FMN2: variants seen among roughly 807,000 people sequenced by gnomAD.
FMN2 encodes formin-2.
FMN2 carries 51 observed loss-of-function variants against 142.3 expected under a neutral mutation model. The ratio of observed to expected loss-of-function variants is 0.36; its 90% CI spans 0.29 to 0.45. The LOEUF (loss-of-function observed/expected upper bound fraction) is 0.45, where lower values mean the gene tolerates loss of function less well. Ranked by LOEUF, FMN2 falls within the 20% of genes least tolerant of loss-of-function variation. The pLI, the probability that FMN2 is intolerant of heterozygous loss-of-function variation, is 1.00. For missense variants in FMN2, 1,936 were observed against 2,122.8 expected (o/e 0.91, Z 1.73); for synonymous variants, 882 against 869.8 (o/e 1.01, Z -0.25).
At chr1:240,279,163 T>G (rs923581842) in intron 7 of FMN2, among the ~76,000 whole-genome samples, 2 of 152,160 alleles carry the variant, frequency 1.3e-5, no homozygotes, top group African/African-American at 4.8e-5. Context: ...GCAAGCTTTT[T>G]AACACAGTGA....
chr1:240,323,251 G>A lies in FMN2; in HGVS notation c.4216-5825G>A, dbSNP rs548996586. Among the ~76,000 whole-genome samples the A allele has an allele frequency of 3.9e-4, 59 of 150,882 alleles. 1 individual carries two copies. The highest frequency in any genetic ancestry group is 5.9e-4 in the Non-Finnish European group (40 of 67,872). Reference sequence around the variant, plus strand: ...ACTCTCTCACCCAGGCTGGAGTGCAGTGGCCCAATCTCGGCTCACTGCAAC... The same window carrying A: ...ACTCTCTCACCCAGGCTGGAGTGCAATGGCCCAATCTCGGCTCACTGCAAC... On this transcript the variant is annotated intron_variant, in intron 8 of 17. Transcript: ENST00000319653.
At chr1:240,257,919 C>T (rs746046259) in intron 6 of FMN2, 26 bp from the exon 7 acceptor site, 1 of 1,594,478 alleles carries the variant, frequency 6.3e-7, no homozygotes, top group Non-Finnish European at 8.6e-7. Context: ...TTAACATTTT[C>T]CCCTTTTACT....
chr1:240,245,786 C>A (rs938231118), intron 6 of FMN2, among the ~76,000 whole-genome samples: 2 of 152,162 alleles, frequency 1.3e-5, no homozygotes, highest in East Asian at 1.9e-4. Flanking sequence ...TCCAGAGATT[C>A]ATTCCCCAGG....
At chr1:240,471,478 C>T (rs1676806703) in intron 16 of FMN2, among the ~76,000 whole-genome samples, 1 of 141,228 alleles carries the variant, frequency 7.1e-6, no homozygotes, top group Non-Finnish European at 1.5e-5. Flanking sequence ...TGGGTTCACA[C>T]CATTCTCCTG....
intron 6 of FMN2, among the ~76,000 whole-genome samples, chr1:240,222,336 T>G (rs1262058798): frequency 6.6e-6 from 1 of 152,116 alleles, no homozygotes; most frequent in African/African-American, 2.4e-5. Flanking sequence ...TCTGCTCTGT[T>G]CCATTGGTCT....
chr1:240,170,386 G>T, intron 2 of FMN2: 1 of 1,199,736 alleles, frequency 8.3e-7, no homozygotes, highest in East Asian at 2.3e-5. Flanking sequence ...TGCTGGAATT[G>T]TGGGAAGTGT....
At chr1:240,170,737 G>T (rs1664666531) in intron 2 of FMN2, 2 of 1,494,198 alleles carry the variant, frequency 1.3e-6, no homozygotes, top group Non-Finnish European at 1.9e-6. Context: ...TGTCAAGGTG[G>T]GGCCTGGCTC....
intron 15 of FMN2, among the ~76,000 whole-genome samples, chr1:240,394,788 T>C (rs61369972): frequency 5.3e-4 from 81 of 152,028 alleles, no homozygotes; most frequent in African/African-American, 1.9e-3. Flanking sequence ...GCCAACACGG[T>C]GAAACCCCGT....
Position 240,092,748 on chromosome 1 carries a change from C to A in FMN2, c.639C>A (p.Leu213=), listed in dbSNP as rs977120019. 1 of 1,611,124 alleles carries A rather than the reference C, an allele frequency of 6.2e-7. No homozygotes were observed. Among genetic ancestry groups the A allele is most frequent in the African/African-American group, 1.3e-5 (1 of 74,614 alleles). ...IRLQQQQQQQ[L]QLQLQQQQQQ... Reference sequence around the variant, plus strand: ...TGCAGCAGCAGCAGCAGCAGCAGCTCCAGCTCCAGCTCCAGCAACAGCAGC... The same window carrying A: ...TGCAGCAGCAGCAGCAGCAGCAGCTACAGCTCCAGCTCCAGCAACAGCAGC... The change falls in exon 1 of 18, where the codon CTC becomes CTA. Residue 213 remains leucine, a synonymous_variant. Transcript: ENST00000319653.
chr1:240,185,801 A>C (rs1665421213), intron 3 of FMN2, among the ~76,000 whole-genome samples: 5 of 152,194 alleles, frequency 3.3e-5, no homozygotes, highest in African/African-American at 1.2e-4. Context: ...CCACTGGTAC[A>C]AAGCCAAGAC....
At chr1:240,123,478 C>G in intron 2 of FMN2, 133 bp downstream of exon 2, 4 of 509,540 alleles carry the variant, frequency 7.9e-6, no homozygotes, top group Non-Finnish European at 1.2e-5. Flanking sequence ...CTTAGCTGCT[C>G]AACAGCTCGG....
At chr1:240,098,040 G>A (rs1395126068) in intron 1 of FMN2, among the ~76,000 whole-genome samples, 1 of 150,014 alleles carries the variant, frequency 6.7e-6, no homozygotes, top group Non-Finnish European at 1.5e-5. Flanking sequence ...AAAGTGCATA[G>A]GCTCTAGAAC....
At chr1:240,106,075 T>C (rs1328474009) in intron 1 of FMN2, among the ~76,000 whole-genome samples, 1 of 152,194 alleles carries the variant, frequency 6.6e-6, no homozygotes, top group Non-Finnish European at 1.5e-5. Context: ...AAAATCTCAC[T>C]AATTATTTAA....
intron 6 of FMN2, among the ~76,000 whole-genome samples, chr1:240,234,512 C>G (rs376088783): frequency 1.3e-5 from 2 of 152,260 alleles, no homozygotes; most frequent in South Asian, 2.1e-4. Flanking sequence ...CAAATCCAGT[C>G]TGAGTTTGCA....
chr1:240,442,265 C>T (rs960934600), intron 16 of FMN2, among the ~76,000 whole-genome samples: 11 of 152,266 alleles, frequency 7.2e-5, no homozygotes, highest in Admixed American at 6.5e-4. Flanking sequence ...TTCTCATAAC[C>T]CAGGAGGACA....
At chr1:240,443,431 T>G (rs553627996) in intron 16 of FMN2, among the ~76,000 whole-genome samples, 2 of 152,332 alleles carry the variant, frequency 1.3e-5, no homozygotes, top group African/African-American at 4.8e-5. Context: ...TTTTTAAAAT[T>G]TCAATTTGTA....
intron 14 of FMN2, among the ~76,000 whole-genome samples, chr1:240,385,460 A>G (rs1033991283): frequency 5.9e-5 from 9 of 152,202 alleles, no homozygotes; most frequent in Non-Finnish European, 1.2e-4. Context: ...ATGCTACATT[A>G]GTGAAAGTCC....
chr1:240,286,898 A>C (rs2102947086), intron 7 of FMN2, among the ~76,000 whole-genome samples: 1 of 152,124 alleles, frequency 6.6e-6, no homozygotes, highest in East Asian at 1.9e-4. Context: ...CACAAGCTCT[A>C]CCTTGTGCTT....
At chr1:240,303,561 T>C (rs1196320966) in intron 8 of FMN2, among the ~76,000 whole-genome samples, 4 of 152,198 alleles carry the variant, frequency 2.6e-5, no homozygotes, top group African/African-American at 9.7e-5. Context: ...TGTGACCAGT[T>C]ACTTCTTTCT....
Sources: allele counts gnomAD v4.1 joint callset (sites outside exome capture counted in the v4.1 genomes callset), GRCh38; gene constraint gnomAD v4.1.1; transcripts MANE v1.5; gene names NCBI Gene and HGNC (gene_info 2026-07-23, HGNC 2026-07-21).